Variants in GLP2R observed in about 807,000 individuals in gnomAD.
The protein encoded by GLP2R is glucagon-like peptide 2 receptor.
GLP2R carries 59 observed loss-of-function variants against 68.2 expected under a neutral mutation model. That is an observed-to-expected ratio of 0.87 (90% CI 0.70 to 1.07). The LOEUF (loss-of-function observed/expected upper bound fraction) is 1.07, where lower values mean the gene tolerates loss of function less well. Among genes scored for constraint, GLP2R ranks in the 50% least tolerant of loss-of-function variants. The probability of loss-of-function intolerance (pLI) is 0.00; values close to 1 mark genes in which losing one functional copy is unlikely to be tolerated. For synonymous variants in GLP2R, 270 were observed against 265.4 expected, an observed-to-expected ratio of 1.02 and a Z score of -0.17; for missense variants, 548 against 677.4, an observed-to-expected ratio of 0.81 and a Z score of 2.12.
At chr17:9,877,734 G>A (rs988071900) in intron 10 of GLP2R, among the ~76,000 whole-genome samples, 2 of 152,014 alleles carry the variant, frequency 1.3e-5, no homozygotes, top group African/African-American at 4.8e-5. Context: ...AAAATTAGCT[G>A]GGCACAGTGG....
At chr17:9,827,292 G>C (rs1465794798) in intron 1 of GLP2R, among the ~76,000 whole-genome samples, 1 of 152,044 alleles carries the variant, frequency 6.6e-6, no homozygotes, top group Non-Finnish European at 1.5e-5. Context: ...CACTTGCTCT[G>C]CACTGGGTTG....
intron 9 of GLP2R, among the ~76,000 whole-genome samples, chr17:9,863,926 T>C (rs7207058): frequency 0.45 from 69,015 of 151,970 alleles, 16,301 homozygotes; most frequent in African/African-American, 0.58. Context: ...ATGGCCTACA[T>C]TCTGGACCCT....
intron 9 of GLP2R, among the ~76,000 whole-genome samples, chr17:9,868,187 T>C (rs1278286671): frequency 6.6e-6 from 1 of 152,210 alleles, no homozygotes. Context: ...TTAGCTTCAG[T>C]GGGTTGTGTG....
chr17:9,880,268 A>G, intron 10 of GLP2R, 110 bp from the exon 11 acceptor site: 3 of 683,390 alleles, frequency 4.4e-6, no homozygotes, highest in Admixed American at 2.6e-5. Context: ...CATCTGGGAA[A>G]CAACTATCAA....
At chr17:9,831,090 A>T (rs2066675545) in intron 1 of GLP2R, among the ~76,000 whole-genome samples, 1 of 152,248 alleles carries the variant, frequency 6.6e-6, no homozygotes, top group Admixed American at 6.5e-5. Flanking sequence ...TTCTTCAAAA[A>T]GTCGGCTGTG....
intron 5 of GLP2R, 75 bp from the exon 6 acceptor site, chr17:9,857,348 G>A: frequency 7.7e-7 from 1 of 1,305,772 alleles, no homozygotes; most frequent in Non-Finnish European, 1.1e-6. Context: ...TAGATACACA[G>A]GCATAAAAGG....
At chr17:9,839,998 T>C (rs75731758) in intron 3 of GLP2R, among the ~76,000 whole-genome samples, 1 of 150,206 alleles carries the variant, frequency 6.7e-6, no homozygotes, top group East Asian at 2.0e-4. Flanking sequence ...TTTTTTTTTT[T>C]GGAGACAGAG....
chr17:9,837,986 A>AAGAT (rs1379947083), intron 3 of GLP2R, among the ~76,000 whole-genome samples: 12 of 152,178 alleles, frequency 7.9e-5, no homozygotes, highest in African/African-American at 2.9e-4. Flanking sequence ...GTTTAGAAGG[A>AAGAT]AGATACATTT....
chr17:9,846,354 G>T (rs1213615357), intron 4 of GLP2R, among the ~76,000 whole-genome samples: 1 of 152,170 alleles, frequency 6.6e-6, no homozygotes, highest in Non-Finnish European at 1.5e-5. Flanking sequence ...AGTAGCTCAG[G>T]CCTGTAATCC....
intron 4 of GLP2R, among the ~76,000 whole-genome samples, chr17:9,849,127 C>A (rs1198101688): frequency 1.3e-5 from 2 of 150,230 alleles, no homozygotes; most frequent in African/African-American, 4.9e-5. Flanking sequence ...ATAATATATC[C>A]ATTGATTATA....
chr17:9,859,926 G>A lies in GLP2R; in HGVS notation c.766-16G>A, dbSNP rs762263243. On this transcript the variant is annotated splice_polypyrimidine_tract_variant and intron_variant, in intron 6 of 12. Coordinates refer to ENST00000262441, the MANE Select transcript of GLP2R (RefSeq NM_004246.3). ...GGGGAGCCTGGACTCACCCTCAGGT[G>A]TTTTTTCCTCTGCAGATGTCCACCT... 3.9e-6 allele frequency: 6 copies of A among 1,541,202 alleles called. No homozygotes were observed. The Admixed American group carries it at 5.3e-5, about 14-fold the overall frequency.
rs192628696 is a variant in GLP2R at position 9,859,705 on chromosome 17, G to C, written c.766-237G>C. Among the ~76,000 whole-genome samples, 215 of 149,462 alleles carry C rather than the reference G, an allele frequency of 1.4e-3. 1 individual carries two copies. Among genetic ancestry groups the C allele is most frequent in the African/African-American group, 5.2e-3 (212 of 40,800 alleles). On this transcript the variant is annotated intron_variant, in intron 6 of 12. Transcript: ENST00000262441. ...GTGGTGGCACTTGCCTGTAATCCTA[G>C]CTACTCGGGGGGCTGACGCAGGAGA...
At chr17:9,878,559 GAACCACAC>G (rs1028703819) in intron 10 of GLP2R, among the ~76,000 whole-genome samples, 19 of 152,320 alleles carry the variant, frequency 1.2e-4, no homozygotes, top group African/African-American at 4.1e-4. Flanking sequence ...CAGCTCAAGA[GAACCACAC>G]AGCCAAGGCC....
rs1160570734 is a variant in GLP2R at position 9,879,254 on chromosome 17, TATAAA to T, written c.1146-1088_1146-1084del. ...GGGCAACAACATAAGATCCCCTCTCTATAAAATAAAATAAAATAAAATAAAATAAA... is the reference window on the plus strand; with the variant it reads ...GGGCAACAACATAAGATCCCCTCTCTATAAAATAAAATAAAATAAAATAAA... On this transcript the variant is annotated intron_variant, in intron 10 of 12. Transcript: ENST00000262441. Among the ~76,000 whole-genome samples, 493 of 114,710 alleles carry T rather than the reference TATAAA, an allele frequency of 4.3e-3. 7 individuals are homozygous for T. The highest frequency in any genetic ancestry group is 5.7e-3 in the Non-Finnish European group (333 of 58,178). 75.3% of individuals were successfully genotyped at this position (114,710 alleles called of 152,430 possible). A position where few individuals can be genotyped will look rare whatever the true frequency, so the allele number is the denominator to read the frequency against.
intron 6 of GLP2R, among the ~76,000 whole-genome samples, chr17:9,859,411 AC>A (rs1320937974): frequency 6.6e-6 from 1 of 151,998 alleles, no homozygotes; most frequent in Non-Finnish European, 1.5e-5. Context: ...GGCCTTGAAC[AC>A]CTACCTGAAG....
At chr17:9,871,050 AT>A (rs1373435717) in intron 10 of GLP2R, among the ~76,000 whole-genome samples, 2 of 152,322 alleles carry the variant, frequency 1.3e-5, no homozygotes, top group African/African-American at 4.8e-5. Flanking sequence ...GGGCATTCAC[AT>A]CCCCCAGCAG....
intron 9 of GLP2R, among the ~76,000 whole-genome samples, chr17:9,863,961 A>G (rs1361691266): frequency 2.0e-5 from 3 of 152,178 alleles, no homozygotes; most frequent in Admixed American, 2.0e-4. Context: ...AACCAGGTAG[A>G]ACAAAGTAGA....
chr17:9,861,603 A>G (rs1222469145), intron 8 of GLP2R, among the ~76,000 whole-genome samples: 1 of 152,238 alleles, frequency 6.6e-6, no homozygotes, highest in Non-Finnish European at 1.5e-5. Flanking sequence ...AACTACTTAA[A>G]GAAAAGCAAG....
chr17:9,857,208 C>T (rs180956304), intron 5 of GLP2R, among the ~76,000 whole-genome samples: 254 of 152,252 alleles, frequency 1.7e-3, no homozygotes, highest in African/African-American at 5.6e-3. Context: ...TGTGAGCCAC[C>T]GCGCCTGGCC....
Sources: allele counts gnomAD v4.1 joint callset (sites outside exome capture counted in the v4.1 genomes callset), GRCh38; gene constraint gnomAD v4.1.1; transcripts MANE v1.5; gene names NCBI Gene and HGNC (gene_info 2026-07-23, HGNC 2026-07-21).